The following BCAT1 variants were observed in gnomAD, a reference collection of about 807,000 sequenced individuals.
The protein encoded by BCAT1 is branched chain amino acid transaminase 1, also known as branched-chain-amino-acid aminotransferase, cytosolic.
In BCAT1, 48 loss-of-function variants were observed where a neutral mutation model predicts 52.4. The ratio of observed to expected loss-of-function variants is 0.92; its 90% CI spans 0.73 to 1.16. The LOEUF (loss-of-function observed/expected upper bound fraction) is 1.16, where lower values mean the gene tolerates loss of function less well. BCAT1 is among the 50% of genes most tolerant of loss of function. The pLI, the probability that BCAT1 is intolerant of heterozygous loss-of-function variation, is 0.00. For missense variants in BCAT1, 451 were observed against 457.1 expected (o/e 0.99, Z 0.12); for synonymous variants, 167 against 161.3 (o/e 1.04, Z -0.27).
intron 1 of BCAT1, chr12:24,902,724 C>T (rs1221465808): frequency 3.0e-6 from 2 of 676,576 alleles, no homozygotes; most frequent in South Asian, 4.1e-5. Flanking sequence ...GGGTGCTAGA[C>T]CTGGGCAGCG....
intron 1 of BCAT1, among the ~76,000 whole-genome samples, chr12:24,907,255 G>A (rs1327089657): frequency 2.6e-5 from 4 of 152,186 alleles, no homozygotes; most frequent in African/African-American, 4.8e-5. Flanking sequence ...TGGCAGGAAC[G>A]TCTCTGAACC....
chr12:24,902,087 C>G, intron 1 of BCAT1: 2 of 1,480,560 alleles, frequency 1.4e-6, no homozygotes, highest in Non-Finnish European at 1.8e-6. Flanking sequence ...ACTTCCCACC[C>G]TGCCGGGGTC....
chr12:24,854,768 A>T (rs1459003047), intron 5 of BCAT1, among the ~76,000 whole-genome samples: 1 of 152,216 alleles, frequency 6.6e-6, no homozygotes, highest in Non-Finnish European at 1.5e-5. Context: ...GGCTTCAAAC[A>T]ATTTGCCCAA....
intron 5 of BCAT1, among the ~76,000 whole-genome samples, chr12:24,873,155 CA>C (rs1942230640): frequency 6.6e-6 from 1 of 152,218 alleles, no homozygotes; most frequent in South Asian, 2.1e-4. Flanking sequence ...TTGAACATGA[CA>C]GTCATATAAT....
intron 5 of BCAT1, among the ~76,000 whole-genome samples, chr12:24,855,539 C>A (rs904589512): frequency 6.6e-6 from 1 of 152,052 alleles, no homozygotes; most frequent in Non-Finnish European, 1.5e-5. Context: ...CACCACCACA[C>A]CCGGCTAGTT....
At chr12:24,928,216 C>T (rs901874211) in intron 1 of BCAT1, among the ~76,000 whole-genome samples, 2 of 152,328 alleles carry the variant, frequency 1.3e-5, no homozygotes, top group South Asian at 2.1e-4. Context: ...CTCTTCTCAT[C>T]GTTCTAGTTC....
intron 10 of BCAT1, 123 bp from the exon 11 acceptor site, chr12:24,818,172 C>T: frequency 1.1e-6 from 1 of 870,672 alleles, no homozygotes; most frequent in Non-Finnish European, 1.9e-6. Context: ...ACAACATTTT[C>T]ACATTAAACA....
intron 1 of BCAT1, among the ~76,000 whole-genome samples, chr12:24,922,600 C>T (rs1024477566): frequency 6.6e-6 from 1 of 152,170 alleles, no homozygotes; most frequent in Non-Finnish European, 1.5e-5. Flanking sequence ...TGGCCAGGCA[C>T]AGTGGCCCAG....
At chr12:24,934,914 CT>C (rs1943730499) in intron 1 of BCAT1, among the ~76,000 whole-genome samples, 1 of 152,194 alleles carries the variant, frequency 6.6e-6, no homozygotes, top group South Asian at 2.1e-4. Context: ...ACCAGCTGCT[CT>C]GGTTCTTCCA....
rs566379803 is a variant in BCAT1, at chr12:24,853,689, G to A, written c.511-3740C>T. Among the ~76,000 whole-genome samples the A allele has an allele frequency of 2.8e-4, 42 of 152,084 alleles. No individual in the cohort carries two copies. The South Asian group carries it at 8.3e-3, about 30-fold the overall frequency. ...TAAACAACTACAAGCAAAATCCCAC[G>A]ATGATAAGTTCAGTCATCTGATTAA... On this transcript the variant is annotated intron_variant, in intron 5 of 10. Transcript: ENST00000261192.
At chr12:24,910,641 T>C (rs1943307968) in intron 1 of BCAT1, among the ~76,000 whole-genome samples, 2 of 152,176 alleles carry the variant, frequency 1.3e-5, no homozygotes, top group South Asian at 2.1e-4. Flanking sequence ...GTACCAGCCC[T>C]AGCTAAAGGC....
chr12:24,948,022 T>C (rs988623454), intron 1 of BCAT1, among the ~76,000 whole-genome samples: 2 of 152,356 alleles, frequency 1.3e-5, no homozygotes, highest in South Asian at 4.1e-4. Flanking sequence ...CTGGGATGGG[T>C]TGTAGATAAG....
chr12:24,919,425 C>T (rs1490809886), intron 1 of BCAT1, among the ~76,000 whole-genome samples: 1 of 152,094 alleles, frequency 6.6e-6, no homozygotes, highest in Non-Finnish European at 1.5e-5. Context: ...GCTTTATTGT[C>T]AGATAGACAA....
rs887459701 is a variant in BCAT1, at chr12:24,867,961, C to T, written c.510+10569G>A. 2.6e-5 allele frequency among the ~76,000 whole-genome samples: 4 copies of T among 152,308 alleles called. No individual in the cohort carries two copies. The South Asian group carries it at 8.3e-4, about 32-fold the overall frequency. ...CAGAGGTTGCAGTGAGCCGAGATTG[C>T]ACCACTGCACTCCAGCCTGGGAAAC... On this transcript the variant is annotated intron_variant, in intron 5 of 10. Coordinates refer to ENST00000261192, the MANE Select transcript of BCAT1 (RefSeq NM_005504.7).
intron 10 of BCAT1, among the ~76,000 whole-genome samples, chr12:24,827,529 T>C (rs1353995943): frequency 1.3e-5 from 2 of 152,214 alleles, no homozygotes; most frequent in Non-Finnish European, 2.9e-5. Flanking sequence ...CGGTGGCTCA[T>C]GCCTGTAATC....
intron 5 of BCAT1, among the ~76,000 whole-genome samples, chr12:24,852,712 C>A (rs2139478252): frequency 6.6e-6 from 1 of 152,244 alleles, no homozygotes; most frequent in East Asian, 1.9e-4. Flanking sequence ...TATTTTTATT[C>A]TTAGCAAGCA....
At chr12:24,884,546 T>C (rs554773146) in intron 3 of BCAT1, among the ~76,000 whole-genome samples, 1 of 152,370 alleles carries the variant, frequency 6.6e-6, no homozygotes, top group South Asian at 2.1e-4. Flanking sequence ...CTAATTAGCT[T>C]GATTTAGTCA....
chr12:24,824,819 T>C (rs1233618308), intron 10 of BCAT1, among the ~76,000 whole-genome samples: 1 of 152,196 alleles, frequency 6.6e-6, no homozygotes, highest in African/African-American at 2.4e-5. Context: ...AATACACATA[T>C]ATAATTTACC....
At chr12:24,922,233 T>C (rs574270579) in intron 1 of BCAT1, among the ~76,000 whole-genome samples, 80 of 152,302 alleles carry the variant, frequency 5.3e-4, no homozygotes, top group Admixed American at 3.7e-3. Context: ...GACGTGATCA[T>C]AGCGTACTAC....
Sources: gnomAD v4.1 joint callset for allele counts (sites outside exome capture counted in the v4.1 genomes callset) on GRCh38, gnomAD v4.1.1 for gene constraint, MANE v1.5 for transcripts, NCBI Gene and HGNC (gene_info 2026-07-23, HGNC 2026-07-21) for gene names.